ZFAT: variants seen among roughly 807,000 people sequenced by gnomAD.
ZFAT encodes zinc finger protein ZFAT.
A neutral mutation model predicts 117.7 loss-of-function variants in ZFAT; 64 were observed. The observed-to-expected ratio is 0.54, with a 90% CI of 0.44 to 0.67. The LOEUF (loss-of-function observed/expected upper bound fraction) is 0.67, where lower values mean the gene tolerates loss of function less well. Ranked by LOEUF, ZFAT falls within the 30% of genes least tolerant of loss-of-function variation. The pLI, the probability that ZFAT is intolerant of heterozygous loss-of-function variation, is 0.00. For synonymous variants in ZFAT, 679 were observed against 615.0 expected (o/e 1.10, Z -1.54); for missense variants, 1,433 against 1,584.5 (o/e 0.90, Z 1.62).
At chr8:134,685,671 C>T (rs200310196) in intron 1 of ZFAT, among the ~76,000 whole-genome samples, 2 of 152,148 alleles carry the variant, frequency 1.3e-5, no homozygotes, top group East Asian at 3.8e-4. Context: ...AAGAGGCAGA[C>T]AGTCTTTTAG....
At chr8:134,486,009 A>G (rs561831295) in intron 15 of ZFAT, among the ~76,000 whole-genome samples, 9 of 152,328 alleles carry the variant, frequency 5.9e-5, no homozygotes, top group South Asian at 4.1e-4. Context: ...AGGGGATTGG[A>G]ATTTCCAGGG....
intron 10 of ZFAT, chr8:134,565,674 A>G (rs1379781191): frequency 5.1e-6 from 3 of 590,718 alleles, no homozygotes; most frequent in Non-Finnish European, 9.0e-6. Context: ...ATGAGCAATG[A>G]CATTCGATCA....
At chr8:134,692,002 C>T (rs976394227) in intron 1 of ZFAT, among the ~76,000 whole-genome samples, 1 of 152,194 alleles carries the variant, frequency 6.6e-6, no homozygotes, top group Admixed American at 6.5e-5. Context: ...GGATTACAGG[C>T]ATGCACCACC....
chr8:134,509,524 C>G, intron 15 of ZFAT, 95 bp downstream of exon 15: 1 of 1,556,496 alleles, frequency 6.4e-7, no homozygotes, highest in Non-Finnish European at 8.7e-7. Flanking sequence ...CAAGTTCTAC[C>G]TCAGGTAAGT....
Position 134,521,044 on chromosome 8 carries a change from T to C in ZFAT, c.3116-43A>G, listed in dbSNP as rs771656554. On this transcript the variant is annotated intron_variant, in intron 12 of 15. Transcript: ENST00000377838. ...GGTTAAAAAAAAAATGTGTTCGTAATACAGAAAAATGCAACAGTTCCTCCT... is the reference window on the plus strand; with the variant it reads ...GGTTAAAAAAAAAATGTGTTCGTAACACAGAAAAATGCAACAGTTCCTCCT... 11 of 1,460,686 alleles carry C rather than the reference T, an allele frequency of 7.5e-6. No homozygotes were observed. In the East Asian group the frequency reaches 2.3e-4, roughly 30 times the overall value. 90.5% of individuals were successfully genotyped at this position (1,460,686 alleles called of 1,614,324 possible).
chr8:134,478,187 G>C lies in ZFAT; in HGVS notation c.*295C>G. 5.0e-6 allele frequency: 2 copies of C among 399,534 alleles called. No homozygotes were observed. The highest frequency in any genetic ancestry group is 3.8e-5 in the Admixed American group (1 of 26,116). The allele number at this position is 399,534 out of a possible 1,614,324, so 24.7% of individuals were successfully genotyped here. On this transcript the variant is annotated 3_prime_UTR_variant, in exon 16 of 16. Coordinates refer to ENST00000377838, the MANE Select transcript of ZFAT (RefSeq NM_020863.4). This position sits in a 1 kb window ranked among gnomAD's most constrained non-coding sequence, Gnocchi z 5.2. ...AGTCTCTGTTTGAATCTTGAAGCAAGGGGTGAAGGTGTGGGGTGTGTGTAG... is the reference window on the plus strand; with the variant it reads ...AGTCTCTGTTTGAATCTTGAAGCAACGGGTGAAGGTGTGGGGTGTGTGTAG...
At chr8:134,674,747 T>C (rs1413024791) in intron 1 of ZFAT, 2 of 280,626 alleles carry the variant, frequency 7.1e-6, no homozygotes, top group Non-Finnish European at 1.4e-5. Context: ...AGGAGAGCTC[T>C]GGCTGGCATC....
chr8:134,806,109 T>C, the ZFAT span, among the ~76,000 whole-genome samples: 2 of 152,208 alleles, frequency 1.3e-5, no homozygotes, highest in Non-Finnish European at 2.9e-5. Context: ...TGAACATACA[T>C]ACATACATGA....
chr8:134,676,924 A>T (rs1227488640), intron 1 of ZFAT, among the ~76,000 whole-genome samples: 1 of 152,220 alleles, frequency 6.6e-6, no homozygotes, highest in Admixed American at 6.5e-5. Flanking sequence ...ACATACCAGA[A>T]TCTCTGGGAC....
intron 3 of ZFAT, among the ~76,000 whole-genome samples, chr8:134,627,201 C>T (rs1467799183): frequency 1.3e-5 from 2 of 152,208 alleles, no homozygotes; most frequent in Non-Finnish European, 2.9e-5. Flanking sequence ...TCTGGGAGTG[C>T]GGGCTTATAG....
In ZFAT at chr8:134,669,128, G is replaced by A. The variant is rs552961190; in HGVS notation, c.20-11391C>T. 3.3e-5 allele frequency among the ~76,000 whole-genome samples: 5 copies of A among 152,320 alleles called. No individual in the cohort carries two copies. The East Asian group carries it at 7.7e-4, about 23-fold the overall frequency. The stretch of plus-strand genomic sequence containing the variant: ...GAAAAGACCAAATCTACGTCTGATC[G>A]CTGTACCTGAAAGTGACGGGGAGAA... On this transcript the variant is annotated intron_variant, in intron 1 of 15. Coordinates refer to ENST00000377838, the MANE Select transcript of ZFAT (RefSeq NM_020863.4).
chr8:134,599,518 TGA>T (rs1445231268), intron 7 of ZFAT: 4 of 307,448 alleles, frequency 1.3e-5, no homozygotes, highest in East Asian at 1.1e-4. Flanking sequence ...ACAGGGCCTG[TGA>T]GAGTGTTGGA....
intron 11 of ZFAT, among the ~76,000 whole-genome samples, chr8:134,546,628 A>G (rs759741159): frequency 6.6e-6 from 1 of 152,230 alleles, no homozygotes; most frequent in Admixed American, 6.5e-5. Context: ...TGGGGGAAAA[A>G]GACAACCAGA....
chr8:134,696,177 G>C (rs1833832041), intron 1 of ZFAT, among the ~76,000 whole-genome samples: 1 of 152,038 alleles, frequency 6.6e-6, no homozygotes, highest in East Asian at 1.9e-4. Context: ...CCCAGGCCCT[G>C]GCCCCATCTC....
chr8:134,600,032 C>T, intron 7 of ZFAT: 1 of 364,608 alleles, frequency 2.7e-6, no homozygotes, highest in Non-Finnish European at 5.3e-6. Context: ...GAACCAAATA[C>T]TGTTCTCATC....
chr8:134,814,933 C>T, the ZFAT span, among the ~76,000 whole-genome samples: 1 of 152,174 alleles, frequency 6.6e-6, no homozygotes. Flanking sequence ...CATCCTACAA[C>T]TAGAAGAATA....
chr8:134,818,310 TAA>T, the ZFAT span, among the ~76,000 whole-genome samples: 1 of 152,122 alleles, frequency 6.6e-6, no homozygotes, highest in African/African-American at 2.4e-5. Context: ...TTTTAACGGG[TAA>T]AAGATTTGAA....
At chr8:134,583,671 T>C (rs930749140) in intron 10 of ZFAT, among the ~76,000 whole-genome samples, 161 bp downstream of exon 10, 11 of 152,174 alleles carry the variant, frequency 7.2e-5, no homozygotes, top group Admixed American at 5.2e-4. Context: ...AGCACAGGAA[T>C]GGGAGGAAGT....
intron 1 of ZFAT, among the ~76,000 whole-genome samples, chr8:134,669,196 G>A (rs1832421988): frequency 6.6e-6 from 1 of 152,196 alleles, no homozygotes; most frequent in East Asian, 1.9e-4. Flanking sequence ...TTATCCAGGA[G>A]AACTTCCCCA....
Sources: allele counts gnomAD v4.1 joint callset (sites outside exome capture counted in the v4.1 genomes callset), GRCh38; gene constraint gnomAD v4.1.1; non-coding constraint Gnocchi (gnomAD v3.1); transcripts MANE v1.5; gene names NCBI Gene and HGNC (gene_info 2026-07-23, HGNC 2026-07-21).